The following PHRF1 variants were observed in gnomAD, a reference collection of about 807,000 sequenced individuals.
The protein encoded by PHRF1 is PHD and RING finger domain-containing protein 1.
Under a neutral mutation model 128.9 loss-of-function variants are expected in PHRF1, and 53 were observed. That is an observed-to-expected ratio of 0.41 (90% CI 0.33 to 0.52). The LOEUF (loss-of-function observed/expected upper bound fraction) is 0.52. Ranked by LOEUF, PHRF1 falls within the 20% of genes least tolerant of loss-of-function variation. PHRF1 has a pLI of 0.21. For missense variants in PHRF1, 2,503 were observed against 2,284.5 expected, an observed-to-expected ratio of 1.10 and a Z score of -1.95; for synonymous variants, 1,178 against 980.6, an observed-to-expected ratio of 1.20 and a Z score of -3.76.
In PHRF1 at chr11:608,247, C is replaced by T. The variant is rs375343011; in HGVS notation, c.2791C>T (p.Arg931Trp). 19 of 1,609,610 alleles carry T rather than the reference C, an allele frequency of 1.2e-5. No homozygotes were observed. Among genetic ancestry groups the T allele is most frequent in the Non-Finnish European group, 1.4e-5 (17 of 1,179,650 alleles). ...EPTESQGLAARLRRPSPPEPW... is the reference protein window; with the variant it reads ...EPTESQGLAAWLRRPSPPEPW... ...CACAGAGAGCCAGGGCCTGGCTGCC[C>T]GGCTGCGGAGGCCATCCCCCCCAGA... The change falls in exon 14 of 18, where the codon CGG (arginine) becomes TGG (tryptophan). Residue 931 changes from arginine to tryptophan, a missense_variant. Physicochemically the swap from Arg to Trp is moderately radical, Grantham distance 101. Coordinates refer to ENST00000264555, the MANE Select transcript of PHRF1 (RefSeq NM_001286581.2).
intron 9 of PHRF1, among the ~76,000 whole-genome samples, chr11:600,113 T>C (rs1310344241): frequency 1.3e-5 from 2 of 151,864 alleles, no homozygotes; most frequent in Admixed American, 1.3e-4. Flanking sequence ...AGTGCTGGGG[T>C]TACAGGTGTG....
At chr11:600,693 A>G (rs60291171) in intron 9 of PHRF1, among the ~76,000 whole-genome samples, 5,910 of 151,882 alleles carry the variant, frequency 0.039, 397 homozygotes, top group African/African-American at 0.13. Context: ...TAGGCCAGGC[A>G]TGGTGGCTTA....
At chr11:605,755 G>T in intron 12 of PHRF1, 31 bp downstream of exon 12, 5 of 1,584,214 alleles carry the variant, frequency 3.2e-6, no homozygotes, top group Non-Finnish European at 4.3e-6. Context: ...CTGGGGAGGT[G>T]GGGGCAGCAG....
chr11:586,874 G>A (rs910857312), intron 3 of PHRF1, among the ~76,000 whole-genome samples: 1 of 152,110 alleles, frequency 6.6e-6, no homozygotes, highest in Non-Finnish European at 1.5e-5. Context: ...CTGTCAGGGG[G>A]CTGCTGCACT....
rs535717915 is a variant in PHRF1 at position 609,458 on chromosome 11, C to T, written c.4002C>T (p.Pro1334=). The change falls in exon 14 of 18, where the codon CCC becomes CCT. Residue 1334 remains proline, a synonymous_variant. Transcript: ENST00000264555. ...SLMHDEDPSQ[P]PPLPEGTQEP... ...TGCACGATGAAGACCCTTCGCAGCC[C>T]CCACCCCTGCCAGAGGGCACCCAGG... The T allele has an allele frequency of 4.6e-5, 74 of 1,605,580 alleles. No homozygotes were observed. The highest frequency in any genetic ancestry group is 5.8e-5 in the Non-Finnish European group (69 of 1,179,586).
Position 609,061 on chromosome 11 carries a change from C to G in PHRF1, c.3605C>G (p.Ser1202Cys), listed in dbSNP as rs771003067. The G allele has an allele frequency of 1.3e-6, 2 of 1,595,896 alleles. No homozygotes were observed. Among genetic ancestry groups the G allele is most frequent in the Non-Finnish European group, 1.7e-6 (2 of 1,171,902 alleles). Residue 1202 changes from serine to cysteine, a missense_variant, in exon 14 of 18, where the codon TCC (serine) becomes TGC (cysteine). Ser to Cys is a moderately radical substitution (Grantham distance 112). Transcript: ENST00000264555. Reference sequence around the variant, plus strand: ...AGGAAGGGGGCTGTGAGGGAGGCTTCCCCAGCGCCCCTTGCACAGGGGGAG... The same window carrying G: ...AGGAAGGGGGCTGTGAGGGAGGCTTGCCCAGCGCCCCTTGCACAGGGGGAG... ...PERKGAVREA[S>C]PAPLAQGEPG...
Position 606,472 on chromosome 11 carries a change from A to C in PHRF1, c.1485A>C (p.Pro495=). ...GCCTCCCTGCCGCGGTGCCAGAGCC[A>C]GACTTGGAGGAGGAGCCAGTGCCTG... ...RRRLPAAVPE[P]DLEEEPVPDL... Residue 495 remains proline, a synonymous_variant, in exon 13 of 18, where the codon CCA becomes CCC. Transcript: ENST00000264555. The C allele has an allele frequency of 6.3e-7, 1 of 1,586,312 alleles. No individual in the cohort carries two copies. Among genetic ancestry groups the C allele is most frequent in the Non-Finnish European group, 8.5e-7 (1 of 1,170,552 alleles).
chr11:578,535 C>G (rs1854020215), intron 1 of PHRF1, among the ~76,000 whole-genome samples: 1 of 152,238 alleles, frequency 6.6e-6, no homozygotes, highest in Non-Finnish European at 1.5e-5. Context: ...AGCCCTGGGG[C>G]AAGCCCTGCC....
chr11:611,634 A>G lies in PHRF1; in HGVS notation c.4807A>G (p.Ile1603Val). The G allele has an allele frequency of 6.2e-7, 1 of 1,612,922 alleles. No homozygotes were observed. The highest frequency in any genetic ancestry group is 1.1e-5 in the South Asian group (1 of 91,084). Residue 1603 changes from isoleucine (I) to valine (V), a missense_variant and splice_region_variant, in exon 18 of 18, where the codon ATC becomes GTC. Ile to Val is a conservative substitution (Grantham distance 29). Transcript: ENST00000264555. ...KDILRKAVQK[I>V]CHSKSGEINP... ...TTGGTGATTGCACCTCTTTCTCCAG[A>G]TCTGCCACAGCAAGAGTGGAGAGAT...
rs1357542684 is a variant in PHRF1, at chr11:587,298, AG to A, written c.256del (p.Val86Ter). On this transcript the variant is annotated frameshift_variant, in exon 4 of 18. Transcript: ENST00000264555. LOFTEE classifies it high-confidence loss of function. ...GAAGACGACGGGGAGACATTGCTGGAGGTAGCGGGTACTCAGGGGAAACTGG... is the reference window on the plus strand; with the variant it reads ...GAAGACGACGGGGAGACATTGCTGGAGTAGCGGGTACTCAGGGGAAACTGG... ...DSEDDGETLL[E>X]VAGTQGKLEA... The A allele has an allele frequency of 6.2e-7, 1 of 1,613,554 alleles. No individual in the cohort carries two copies. Among genetic ancestry groups the A allele is most frequent in the Non-Finnish European group, 8.5e-7 (1 of 1,179,880 alleles).
chr11:579,184 T>A (rs1417773111), intron 1 of PHRF1, among the ~76,000 whole-genome samples: 1 of 151,812 alleles, frequency 6.6e-6, no homozygotes, highest in Non-Finnish European at 1.5e-5. Context: ...CATCATCAAA[T>A]GAGGATTTGC....
intron 12 of PHRF1, among the ~76,000 whole-genome samples, chr11:605,992 G>T (rs1318837363): frequency 6.6e-6 from 1 of 152,224 alleles, no homozygotes; most frequent in Admixed American, 6.5e-5. Flanking sequence ...CCCGGCCTGA[G>T]AGCCACCAGC....
At chr11:600,107 C>T (rs1855539280) in intron 9 of PHRF1, among the ~76,000 whole-genome samples, 1 of 152,022 alleles carries the variant, frequency 6.6e-6, no homozygotes, top group Admixed American at 6.6e-5. Context: ...TCCCAAAGTG[C>T]TGGGGTTACA....
rs138357016 is a variant in PHRF1, at chr11:603,822, C to T, written c.1153-1297C>T. Among the ~76,000 whole-genome samples, 695 of 146,860 alleles carry T rather than the reference C, an allele frequency of 4.7e-3. 5 individuals carry two copies. The highest frequency in any genetic ancestry group is 0.017 in the African/African-American group (670 of 39,492). ...TGATCTCAGCTCACTGCAACCTCGG[C>T]CTCCCAAATAGCTGGGATCATAGGT... is the stretch of plus-strand genomic sequence containing the variant. On this transcript the variant is annotated intron_variant, in intron 10 of 17. Transcript: ENST00000264555.
chr11:605,450 G>A, intron 11 of PHRF1, 150 bp downstream of exon 11: 1 of 1,472,714 alleles, frequency 6.8e-7, no homozygotes. Context: ...GTGCAGGTGG[G>A]TGGCGTGGAA....
At chr11:593,390 T>C (rs1330598247) in intron 6 of PHRF1, among the ~76,000 whole-genome samples, 2 of 152,252 alleles carry the variant, frequency 1.3e-5, no homozygotes, top group Admixed American at 6.5e-5. Context: ...GGTCAGGGTT[T>C]GGACTACGGA....
intron 1 of PHRF1, among the ~76,000 whole-genome samples, chr11:581,038 G>A (rs893778312): frequency 4.6e-5 from 7 of 151,670 alleles, no homozygotes; most frequent in African/African-American, 1.7e-4. Flanking sequence ...TGGTCAGGCT[G>A]GTCTCAAACT....
In PHRF1 at chr11:607,952, ATCCGACCCCACCGGC is replaced by A. The variant is rs1229567330; in HGVS notation, c.2503_2517del (p.Pro835_Asp839del). ...AGCTGCGGAGCGAGGTCTACGACCC[ATCCGACCCCACCGGC>A]TCCGACTCCAGCGCCCCTGGCAGCA... is the stretch of plus-strand genomic sequence containing the variant. On this transcript the variant is annotated inframe_deletion, in exon 14 of 18. Coordinates refer to ENST00000264555, the MANE Select transcript of PHRF1 (RefSeq NM_001286581.2). The A allele has an allele frequency of 6.2e-7, 1 of 1,612,084 alleles. No homozygotes were observed. Among genetic ancestry groups the A allele is most frequent in the Non-Finnish European group, 8.5e-7 (1 of 1,179,874 alleles).
At chr11:601,760 A>G (rs1855642317) in intron 10 of PHRF1, 59 bp downstream of exon 10, 1 of 1,605,846 alleles carries the variant, frequency 6.2e-7, no homozygotes, top group African/African-American at 1.3e-5. Flanking sequence ...TCGCGTGGTT[A>G]CGGAGCAGGG....
Sources: gnomAD v4.1 joint callset for allele counts (sites outside exome capture counted in the v4.1 genomes callset) on GRCh38, gnomAD v4.1.1 for gene constraint, MANE v1.5 for transcripts, NCBI Gene and HGNC (gene_info 2026-07-23, HGNC 2026-07-21) for gene names.